DHRS7C: variants seen among roughly 807,000 people sequenced by gnomAD.
The protein encoded by DHRS7C is dehydrogenase/reductase SDR family member 7C.
DHRS7C carries 28 observed loss-of-function variants against 29.6 expected under a neutral mutation model. That is an observed-to-expected ratio of 0.95 (90% CI 0.70 to 1.30). The LOEUF (loss-of-function observed/expected upper bound fraction) is 1.30. DHRS7C is among the 50% of genes most tolerant of loss of function. DHRS7C has a pLI of 0.00. For synonymous variants in DHRS7C, 158 were observed against 160.2 expected (o/e 0.99, Z 0.10); for missense variants, 403 against 393.3 (o/e 1.02, Z -0.21).
rs752378930 is a variant in DHRS7C, at chr17:9,772,751, C to A, written c.727+16G>T. 17 of 1,613,092 alleles carry A rather than the reference C, an allele frequency of 1.1e-5. No homozygotes were observed. The highest frequency in any genetic ancestry group is 1.4e-5 in the Non-Finnish European group (17 of 1,179,522). On this transcript the variant is annotated intron_variant, in intron 5 of 5. Coordinates refer to ENST00000571134, the MANE Select transcript of DHRS7C (RefSeq NM_001105571.3). Reference sequence around the variant, plus strand: ...CCGAGGCCCCCAGGGGCCCCAGCTTCCCTCTGAAGTCTCACATTTCCAAAT... The same window carrying A: ...CCGAGGCCCCCAGGGGCCCCAGCTTACCTCTGAAGTCTCACATTTCCAAAT...
At chr17:9,788,474 T>C (rs1164449882) in intron 1 of DHRS7C, among the ~76,000 whole-genome samples, 1 of 152,250 alleles carries the variant, frequency 6.6e-6, no homozygotes, top group Non-Finnish European at 1.5e-5. Flanking sequence ...CCCAAAGTGC[T>C]GGGATTACAG....
chr17:9,781,053 T>C (rs2066390200), intron 2 of DHRS7C, among the ~76,000 whole-genome samples: 3 of 152,212 alleles, frequency 2.0e-5, no homozygotes, highest in Non-Finnish European at 4.4e-5. Flanking sequence ...AGAAAAACCT[T>C]TGGAAACTGC....
At chr17:9,780,354 T>C (rs2066386905) in intron 2 of DHRS7C, among the ~76,000 whole-genome samples, 1 of 152,184 alleles carries the variant, frequency 6.6e-6, no homozygotes, top group Non-Finnish European at 1.5e-5. Context: ...TTGCACTGAC[T>C]CCAGTGGTGA....
intron 4 of DHRS7C, among the ~76,000 whole-genome samples, chr17:9,776,138 G>A (rs1410296588): frequency 6.6e-6 from 1 of 152,242 alleles, no homozygotes; most frequent in Non-Finnish European, 1.5e-5. Flanking sequence ...GGGAGGTGGA[G>A]GTTGCAGTGA....
intron 3 of DHRS7C, among the ~76,000 whole-genome samples, chr17:9,778,010 G>C (rs2066371943): frequency 6.6e-6 from 1 of 152,106 alleles, no homozygotes; most frequent in South Asian, 2.1e-4. Flanking sequence ...AGTATAGGCG[G>C]AATGGGGATA....
chr17:9,781,456 C>A, intron 2 of DHRS7C, 26 bp downstream of exon 2: 2 of 1,607,630 alleles, frequency 1.2e-6, no homozygotes, highest in Non-Finnish European at 1.7e-6. Context: ...CAGGAGTTAC[C>A]CACGCCTACT....
Position 9,775,716 on chromosome 17 carries a change from G to A in DHRS7C, c.571+1477C>T, listed in dbSNP as rs1166092235. ...AACTAACTAAGGCATATGGAAAAAGGAAGGTAAAACACTACTAGAGCGGGT... is the reference window on the plus strand; with the variant it reads ...AACTAACTAAGGCATATGGAAAAAGAAAGGTAAAACACTACTAGAGCGGGT... On this transcript the variant is annotated intron_variant, in intron 4 of 5. Coordinates refer to ENST00000571134, the MANE Select transcript of DHRS7C (RefSeq NM_001105571.3). The surrounding 1 kb of genome is among the most constrained non-coding windows in gnomAD (Gnocchi z 4.2). Among the ~76,000 whole-genome samples, 1 of 152,170 alleles carries A rather than the reference G, an allele frequency of 6.6e-6. No homozygotes were observed. The highest frequency in any genetic ancestry group is 2.4e-5 in the African/African-American group (1 of 41,444).
chr17:9,789,636 G>A (rs753408869), intron 1 of DHRS7C, among the ~76,000 whole-genome samples: 2 of 152,152 alleles, frequency 1.3e-5, no homozygotes, highest in Admixed American at 1.3e-4. Flanking sequence ...AGAGGAAGGA[G>A]CAATTAAGGT....
At chr17:9,773,002 C>A (rs2066340747) in intron 4 of DHRS7C, 80 bp from the exon 5 acceptor site, 3 of 1,523,630 alleles carry the variant, frequency 2.0e-6, no homozygotes, top group Admixed American at 1.9e-5. Context: ...GGCAGGAGGG[C>A]CGACAGACAC....
At position 9,791,542 on chromosome 17, in the gene DHRS7C, G is replaced by T. The variant is rs966889440; in HGVS notation, c.-258C>A. Among the ~76,000 whole-genome samples, 4 of 152,264 alleles carry T rather than the reference G, an allele frequency of 2.6e-5. No individual in the cohort carries two copies. Among genetic ancestry groups the T allele is most frequent in the African/African-American group, 9.6e-5 (4 of 41,474 alleles). On this transcript the variant is annotated 5_prime_UTR_variant, in exon 1 of 6. Transcript: ENST00000571134. ...TTACAAACTTAATTAAAATGGGTCTGCATTTTTGGAAGAAAATCCATGTGT... is the reference window on the plus strand; with the variant it reads ...TTACAAACTTAATTAAAATGGGTCTTCATTTTTGGAAGAAAATCCATGTGT...
At chr17:9,772,668 A>G (rs2066337250) in intron 5 of DHRS7C, 99 bp downstream of exon 5, 3 of 1,441,766 alleles carry the variant, frequency 2.1e-6, no homozygotes, top group Non-Finnish European at 2.8e-6. Context: ...CCCCAGACTC[A>G]TGTTTCAGGA....
intron 1 of DHRS7C, among the ~76,000 whole-genome samples, chr17:9,783,412 A>G (rs538152833): frequency 4.6e-5 from 7 of 152,212 alleles, no homozygotes; most frequent in African/African-American, 1.2e-4. Context: ...CAGGATCCCA[A>G]CGGGTCTTGG....
chr17:9,780,430 G>GAA (rs11387517), intron 2 of DHRS7C, among the ~76,000 whole-genome samples: 32 of 148,312 alleles, frequency 2.2e-4, no homozygotes, highest in Non-Finnish European at 2.4e-4. Context: ...CTTGCAAGTT[G>GAA]AAAAAAAAAA....
intron 1 of DHRS7C, among the ~76,000 whole-genome samples, chr17:9,787,949 G>A (rs994885962): frequency 2.6e-5 from 4 of 152,086 alleles, no homozygotes; most frequent in Non-Finnish European, 4.4e-5. Context: ...GAGTTCAAGC[G>A]ATTCACCTAC....
chr17:9,782,559 C>T (rs1408529403), intron 1 of DHRS7C, among the ~76,000 whole-genome samples: 2 of 152,198 alleles, frequency 1.3e-5, no homozygotes, highest in Non-Finnish European at 1.5e-5. Context: ...GCTGCCCTCT[C>T]TGGGGGTGCG....
intron 3 of DHRS7C, among the ~76,000 whole-genome samples, chr17:9,779,528 C>T (rs1330338061): frequency 1.3e-5 from 2 of 151,952 alleles, no homozygotes; most frequent in African/African-American, 2.4e-5. Flanking sequence ...TCAGAGACGT[C>T]GAATTGGAGG....
chr17:9,786,328 A>AAATAATAAT (rs200610370), intron 1 of DHRS7C, among the ~76,000 whole-genome samples: 1,382 of 138,168 alleles, frequency 0.01, 20 homozygotes, highest in African/African-American at 0.019. Flanking sequence ...ACTCCGTCTC[A>AAATAATAAT]AATAATAATA....
intron 1 of DHRS7C, among the ~76,000 whole-genome samples, chr17:9,782,472 G>T (rs968114166): frequency 5.3e-5 from 8 of 152,154 alleles, no homozygotes; most frequent in Admixed American, 4.6e-4. Context: ...GAAAGACTCT[G>T]GAGTCTAAAC....
intron 1 of DHRS7C, among the ~76,000 whole-genome samples, chr17:9,788,588 G>A (rs1056866487): frequency 2.0e-5 from 3 of 152,320 alleles, no homozygotes; most frequent in South Asian, 2.1e-4. Flanking sequence ...GGTTTAGAGC[G>A]AGGGCTAGAT....
Sources: allele counts gnomAD v4.1 joint callset (sites outside exome capture counted in the v4.1 genomes callset), GRCh38; gene constraint gnomAD v4.1.1; non-coding constraint Gnocchi (gnomAD v3.1); transcripts MANE v1.5; gene names NCBI Gene and HGNC (gene_info 2026-07-23, HGNC 2026-07-21).